The following NAA35 variants were observed in gnomAD, a reference collection of about 807,000 sequenced individuals.
NAA35 encodes the protein N-alpha-acetyltransferase 35, NatC auxiliary subunit.
Under a neutral mutation model 101.7 loss-of-function variants are expected in NAA35, and 18 were observed. The observed-to-expected ratio is 0.18, with a 90% CI of 0.12 to 0.26. NAA35 has a LOEUF of 0.26. Among genes scored for constraint, NAA35 ranks in the 10% least tolerant of loss-of-function variants. The pLI, the probability that NAA35 is intolerant of heterozygous loss-of-function variation, is 1.00. For missense variants in NAA35, 601 were observed against 886.8 expected (o/e 0.68, Z 4.09); for synonymous variants, 267 against 273.1 (o/e 0.98, Z 0.22).
At chr9:86,014,911 T>G (rs1222391476) in intron 17 of NAA35, among the ~76,000 whole-genome samples, 1 of 152,216 alleles carries the variant, frequency 6.6e-6, no homozygotes, top group Non-Finnish European at 1.5e-5. Flanking sequence ...TTGTTATTCA[T>G]AGTAGACAAT....
chr9:86,004,477 CAA>C (rs149227840), intron 13 of NAA35, among the ~76,000 whole-genome samples: 3 of 138,176 alleles, frequency 2.2e-5, no homozygotes, highest in African/African-American at 2.7e-5. Context: ...GAGACCCTGT[CAA>C]AAAAAAAAAG....
intron 6 of NAA35, among the ~76,000 whole-genome samples, chr9:85,970,234 T>C (rs1829947994): frequency 6.6e-6 from 1 of 152,206 alleles, no homozygotes; most frequent in Admixed American, 6.5e-5. Flanking sequence ...GAAAATAATT[T>C]TAATGCTATA....
At chr9:85,949,418 C>G (rs1442092153) in intron 2 of NAA35, among the ~76,000 whole-genome samples, 5 of 151,942 alleles carry the variant, frequency 3.3e-5, no homozygotes, top group Non-Finnish European at 7.4e-5. Context: ...CCTTGGCCTC[C>G]CGAGTAGCTG....
chr9:86,009,771 T>C (rs1831817858), intron 14 of NAA35, 94 bp from the exon 15 acceptor site: 6 of 855,550 alleles, frequency 7.0e-6, no homozygotes, highest in Non-Finnish European at 1.1e-5. Context: ...TTCTCTTTTA[T>C]TCACCTTCTC....
chr9:85,962,364 A>G (rs1216121150), intron 6 of NAA35, among the ~76,000 whole-genome samples, 184 bp downstream of exon 6: 1 of 151,742 alleles, frequency 6.6e-6, no homozygotes, highest in Admixed American at 6.6e-5. Context: ...GGTGGCATGC[A>G]TCTGTAATCC....
chr9:86,009,377 C>T (rs987007017), intron 14 of NAA35, among the ~76,000 whole-genome samples: 4 of 152,046 alleles, frequency 2.6e-5, no homozygotes, highest in Non-Finnish European at 5.9e-5. Context: ...ATAAGGAACA[C>T]CGTAAAGGAA....
At chr9:85,969,574 A>C (rs142375039) in intron 6 of NAA35, among the ~76,000 whole-genome samples, 2,133 of 152,264 alleles carry the variant, frequency 0.014, 50 homozygotes, top group African/African-American at 0.046. Flanking sequence ...TCCTCTTGTT[A>C]AATCTATCAT....
intron 9 of NAA35, among the ~76,000 whole-genome samples, chr9:85,977,012 AG>A (rs1830239469): frequency 6.6e-6 from 1 of 152,142 alleles, no homozygotes; most frequent in Admixed American, 6.5e-5. Context: ...CAGTATCAAA[AG>A]TTGCTGAACC....
rs185312504 is a variant in NAA35 at position 85,971,182 on chromosome 9, A to G, written c.517-3785A>G. ...CTTGCCAGGAAAAATGTCTTTAATG[A>G]TTTGCTTATGTTACTTTTTCTTTCA... On this transcript the variant is annotated intron_variant, in intron 6 of 22. Coordinates refer to ENST00000361671, the MANE Select transcript of NAA35 (RefSeq NM_024635.4). Among the ~76,000 whole-genome samples the G allele has an allele frequency of 9.3e-4, 141 of 152,140 alleles. 1 individual carries two copies. The highest frequency in any genetic ancestry group is 3.3e-3 in the African/African-American group (138 of 41,494).
At position 86,013,704 on chromosome 9, in the gene NAA35, A is replaced by G. The variant is rs774836719; in HGVS notation, c.1390-15A>G. 2 of 1,607,366 alleles carry G rather than the reference A, an allele frequency of 1.2e-6. No homozygotes were observed. Among genetic ancestry groups the G allele is most frequent in the Non-Finnish European group, 1.7e-6 (2 of 1,175,412 alleles). Reference sequence around the variant, plus strand: ...AAACAAAACGAACACAGTTTATGACATTTTATTTTAATAGGCAGAGAAGGT... The same window carrying G: ...AAACAAAACGAACACAGTTTATGACGTTTTATTTTAATAGGCAGAGAAGGT... On this transcript the variant is annotated splice_polypyrimidine_tract_variant and intron_variant, in intron 16 of 22. Coordinates refer to ENST00000361671, the MANE Select transcript of NAA35 (RefSeq NM_024635.4).
intron 16 of NAA35, 76 bp downstream of exon 16, chr9:86,013,220 C>G: frequency 1.1e-6 from 1 of 883,566 alleles, no homozygotes; most frequent in East Asian, 2.6e-5. Flanking sequence ...AACAATAATT[C>G]AGAACAATAT....
At chr9:86,016,035 C>A (rs947280706) in intron 17 of NAA35, among the ~76,000 whole-genome samples, 31 of 151,070 alleles carry the variant, frequency 2.1e-4, no homozygotes, top group Admixed American at 4.6e-4. Context: ...ATATATATAT[C>A]TCGTAGATTT....
At position 86,016,568 on chromosome 9, in the gene NAA35, T is replaced by A; in HGVS notation, c.1598T>A (p.Leu533Ter). ...CTCTCTGAATTCCTTTACGCATGGT[T>A]GATGTCAACATTGAGTCGTGCCGAT... ...WYLSEFLYAW[L>*]MSTLSRADGS... Residue 533 changes from leucine to a stop codon, truncating the protein, a stop_gained, in exon 18 of 23, where the codon TTG becomes TAG. Transcript: ENST00000361671. LOFTEE classifies it high-confidence loss of function. The A allele has an allele frequency of 6.2e-7, 1 of 1,614,008 alleles. No individual in the cohort carries two copies. The highest frequency in any genetic ancestry group is 2.2e-5 in the East Asian group (1 of 44,872).
Position 86,024,391 on chromosome 9 carries a change from C to A in NAA35, c.*2431C>A, listed in dbSNP as rs1461111646. Among the ~76,000 whole-genome samples, 2 of 152,082 alleles carry A rather than the reference C, an allele frequency of 1.3e-5. No individual in the cohort carries two copies. The highest frequency in any genetic ancestry group is 2.9e-5 in the Non-Finnish European group (2 of 68,028). The stretch of plus-strand genomic sequence containing the variant: ...GCCGATACCCAAAACCCTGGGAGGC[C>A]ACAGGTTAAAGATTTTGGACTTTAT... On this transcript the variant is annotated 3_prime_UTR_variant, in exon 23 of 23. Coordinates refer to ENST00000361671, the MANE Select transcript of NAA35 (RefSeq NM_024635.4).
chr9:86,003,553 A>ATGACAT, intron 12 of NAA35, 32 bp from the exon 13 acceptor site: 1 of 1,373,992 alleles, frequency 7.3e-7, no homozygotes, highest in Non-Finnish European at 1.0e-6. Flanking sequence ...TAATCTATTA[A>ATGACAT]TGACATTGCT....
At chr9:85,988,720 T>C in intron 11 of NAA35, among the ~76,000 whole-genome samples, 1 of 150,962 alleles carries the variant, frequency 6.6e-6, no homozygotes, top group Non-Finnish European at 1.5e-5. Context: ...CGCTTGAACC[T>C]GGGAGGCGGA....
intron 15 of NAA35, among the ~76,000 whole-genome samples, chr9:86,012,263 C>T (rs1244407767): frequency 2.0e-5 from 3 of 151,574 alleles, no homozygotes; most frequent in Non-Finnish European, 4.4e-5. Flanking sequence ...GGATTACAGG[C>T]GCCTGCCACC....
chr9:85,992,046 C>T (rs974907614), intron 11 of NAA35, among the ~76,000 whole-genome samples: 1 of 151,922 alleles, frequency 6.6e-6, no homozygotes, highest in Non-Finnish European at 1.5e-5. Context: ...TGGTGGCGGG[C>T]GCCTGTAGTC....
intron 6 of NAA35, among the ~76,000 whole-genome samples, chr9:85,967,313 A>G (rs947336393): frequency 1.1e-4 from 16 of 152,142 alleles, no homozygotes; most frequent in Non-Finnish European, 1.3e-4. Context: ...GCATATGTCA[A>G]AAGGTTAAAA....
Sources: allele counts gnomAD v4.1 joint callset (sites outside exome capture counted in the v4.1 genomes callset), GRCh38; gene constraint gnomAD v4.1.1; transcripts MANE v1.5; gene names NCBI Gene and HGNC (gene_info 2026-07-23, HGNC 2026-07-21).